Variants in DNAJC16 observed in about 807,000 individuals in gnomAD.
DNAJC16 encodes the protein DnaJ heat shock protein family (Hsp40) member C16, also known as dnaJ homolog subfamily C member 16.
Under a neutral mutation model 92.7 loss-of-function variants are expected in DNAJC16, and 76 were observed. The observed-to-expected ratio is 0.82, with a 90% CI of 0.68 to 0.99. The LOEUF is 0.99. DNAJC16 is among the 50% of genes least tolerant of loss of function. The pLI, the probability that DNAJC16 is intolerant of heterozygous loss-of-function variation, is 0.00. For missense variants in DNAJC16, 869 were observed against 942.4 expected (o/e 0.92, Z 1.02); for synonymous variants, 328 against 358.7 (o/e 0.91, Z 0.97).
Position 15,544,451 on chromosome 1 carries a change from C to T in DNAJC16, c.627C>T (p.His209=). 2 of 1,614,066 alleles carry T rather than the reference C, an allele frequency of 1.2e-6. No individual in the cohort carries two copies. The highest frequency in any genetic ancestry group is 1.7e-6 in the Non-Finnish European group (2 of 1,179,980). The change falls in exon 5 of 15, where the codon CAC becomes CAT. Residue 209 remains histidine (H), a synonymous_variant. Coordinates refer to ENST00000375847, the MANE Select transcript of DNAJC16 (RefSeq NM_015291.4). ...HAGYERRLAH[H]LGAHSTPSIL... ...GGTATGAGAGACGCCTGGCCCATCA[C>T]CTAGGGGCACACAGCACGCCCTCTA...
rs117099609 is a variant in DNAJC16, at chr1:15,544,633, C to T, written c.759+50C>T. The stretch of plus-strand genomic sequence containing the variant: ...GGCTGAGAAGTAGTTTAAGAGGTAC[C>T]TAGGACTGTTAATTGCCCAGAACAT... On this transcript the variant is annotated intron_variant, in intron 5 of 14. Coordinates refer to ENST00000375847, the MANE Select transcript of DNAJC16 (RefSeq NM_015291.4). 6.1e-3 allele frequency: 9,669 copies of T among 1,577,844 alleles called. 308 individuals are homozygous for T. In the East Asian group the frequency reaches 0.09, roughly 15 times the overall value.
At chr1:15,529,037 G>C in intron 1 of DNAJC16, 51 bp from the exon 2 acceptor site, 1 of 1,539,094 alleles carries the variant, frequency 6.5e-7, no homozygotes, top group African/African-American at 1.4e-5. Context: ...TAAAAAGCAA[G>C]ACTGTCCAGG....
intron 1 of DNAJC16, 141 bp downstream of exon 1, chr1:15,527,099 G>A (rs1400601999): frequency 1.3e-5 from 2 of 152,410 alleles, no homozygotes; most frequent in African/African-American, 2.4e-5. Flanking sequence ...CGGGCCCTGG[G>A]CTCTCGGAGG....
At chr1:15,543,222 G>C (rs187477488) in intron 4 of DNAJC16, among the ~76,000 whole-genome samples, 7 of 152,318 alleles carry the variant, frequency 4.6e-5, no homozygotes, top group Non-Finnish European at 1.0e-4. Flanking sequence ...AAACGCTGTG[G>C]AAAAAGTTAA....
intron 2 of DNAJC16, among the ~76,000 whole-genome samples, chr1:15,529,489 A>C (rs2103400119): frequency 6.6e-6 from 1 of 152,332 alleles, no homozygotes; most frequent in South Asian, 2.1e-4. Flanking sequence ...TTTTAGGAAT[A>C]CTTTGGCTTA....
In DNAJC16 at chr1:15,568,356, C is replaced by T; in HGVS notation, c.*179C>T. On this transcript the variant is annotated 3_prime_UTR_variant, in exon 15 of 15. Coordinates refer to ENST00000375847, the MANE Select transcript of DNAJC16 (RefSeq NM_015291.4). The stretch of plus-strand genomic sequence containing the variant: ...TCTAACCTAGGAATGAAAAACACCA[C>T]CAGTTTGAATCGCCTAGATGAAAAT... The T allele has an allele frequency of 5.2e-6, 3 of 577,416 alleles. No individual in the cohort carries two copies. Among genetic ancestry groups the T allele is most frequent in the Non-Finnish European group, 5.9e-6 (2 of 337,354 alleles). 35.8% of individuals were successfully genotyped at this position (577,416 alleles called of 1,614,324 possible).
At chr1:15,556,636 A>C (rs940797939) in intron 7 of DNAJC16, among the ~76,000 whole-genome samples, 5 of 151,726 alleles carry the variant, frequency 3.3e-5, no homozygotes, top group Non-Finnish European at 7.4e-5. Flanking sequence ...TAATCATATC[A>C]TCTGAGATTA....
In DNAJC16 at chr1:15,568,934, C is replaced by G; in HGVS notation, c.*757C>G. On this transcript the variant is annotated 3_prime_UTR_variant, in exon 15 of 15. Transcript: ENST00000375847. ...CTGGTAGCCAGGGGAGGGGTCTGCA[C>G]AGCGAGAAGTACTGTGATGACTTTG... is the stretch of plus-strand genomic sequence containing the variant. The G allele has an allele frequency of 2.6e-6, 1 of 381,988 alleles. No individual in the cohort carries two copies. The highest frequency in any genetic ancestry group is 4.6e-6 in the Non-Finnish European group (1 of 215,456). 23.7% of individuals were successfully genotyped at this position (381,988 alleles called of 1,614,324 possible).
chr1:15,564,775 C>T (rs371923926), intron 11 of DNAJC16, among the ~76,000 whole-genome samples: 6 of 151,552 alleles, frequency 4.0e-5, no homozygotes, highest in Non-Finnish European at 7.4e-5. Context: ...GTGATCCACC[C>T]GCCTCGGCCT....
At chr1:15,541,288 C>T (rs1455935980) in intron 4 of DNAJC16, among the ~76,000 whole-genome samples, 2 of 152,142 alleles carry the variant, frequency 1.3e-5, no homozygotes, top group Admixed American at 6.5e-5. Flanking sequence ...TTCTTCTGCT[C>T]ATATAATTCT....
chr1:15,562,399 T>G, intron 9 of DNAJC16, 74 bp downstream of exon 9: 1 of 1,420,050 alleles, frequency 7.0e-7, no homozygotes, highest in Non-Finnish European at 9.5e-7. Flanking sequence ...CCTTCTTCCT[T>G]GAGAGTGTTG....
rs1557576725 is a variant in DNAJC16, at chr1:15,544,504, C to T, written c.680C>T (p.Ser227Phe). Residue 227 changes from serine to phenylalanine, a missense_variant, in exon 5 of 15, where the codon TCC becomes TTC. Coordinates refer to ENST00000375847, the MANE Select transcript of DNAJC16 (RefSeq NM_015291.4). Reference sequence around the variant, plus strand: ...CTAGGAATCATTAACGGGAAAATCTCCTTCTTCCACAATGCAGTTGTCCGT... The same window carrying T: ...CTAGGAATCATTAACGGGAAAATCTTCTTCTTCCACAATGCAGTTGTCCGT... ...SILGIINGKI[S>F]FFHNAVVREN... The T allele has an allele frequency of 6.2e-7, 1 of 1,614,154 alleles. No individual in the cohort carries two copies. The highest frequency in any genetic ancestry group is 8.5e-7 in the Non-Finnish European group (1 of 1,180,018).
Position 15,544,427 on chromosome 1 carries a change from G to A in DNAJC16, c.603G>A (p.Gly201=), listed in dbSNP as rs752155505. The A allele has an allele frequency of 1.7e-5, 28 of 1,613,788 alleles. No homozygotes were observed. Among genetic ancestry groups the A allele is most frequent in the Non-Finnish European group, 2.2e-5 (26 of 1,179,892 alleles). ...TAGGAATTGGCGTGGTCCATGCTGG[G>A]TATGAGAGACGCCTGGCCCATCACC... is the stretch of plus-strand genomic sequence containing the variant. ...LGVGIGVVHA[G]YERRLAHHLG... The change falls in exon 5 of 15, where the codon GGG becomes GGA. Residue 201 remains glycine (G), a synonymous_variant. Transcript: ENST00000375847.
At chr1:15,550,129 A>C (rs1638412901) in intron 7 of DNAJC16, among the ~76,000 whole-genome samples, 1 of 152,192 alleles carries the variant, frequency 6.6e-6, no homozygotes, top group Admixed American at 6.5e-5. Context: ...ACCGGCACAC[A>C]AGACAAGGGG....
intron 1 of DNAJC16, among the ~76,000 whole-genome samples, chr1:15,527,529 A>G (rs1710546775): frequency 6.6e-6 from 1 of 152,234 alleles, no homozygotes; most frequent in African/African-American, 2.4e-5. Flanking sequence ...GCTGATGCTT[A>G]GTAAGTTTAA....
intron 4 of DNAJC16, among the ~76,000 whole-genome samples, chr1:15,538,043 T>G (rs1570903856): frequency 6.6e-6 from 1 of 152,212 alleles, no homozygotes; most frequent in African/African-American, 2.4e-5. Context: ...GAAACTCAAT[T>G]TGGATGATCA....
intron 7 of DNAJC16, among the ~76,000 whole-genome samples, chr1:15,553,977 G>T (rs1465529975): frequency 6.6e-6 from 1 of 152,110 alleles, no homozygotes; most frequent in African/African-American, 2.4e-5. Flanking sequence ...GTCGAGACGG[G>T]CAGATCCTTT....
In DNAJC16 at chr1:15,559,601, A is replaced by T; in HGVS notation, c.1099A>T (p.Ser367Cys). Residue 367 changes from serine (S) to cysteine (C), a missense_variant, in exon 8 of 15, where the codon AGC becomes TGC. By Grantham distance (112) the Ser-to-Cys change is moderately radical (BLOSUM62 -1). Transcript: ENST00000375847. ...NKYLLAARLT[S>C]QKLFHELCPV... is the part of the protein sequence containing the mutation. Reference sequence around the variant, plus strand: ...ATATCTATTGGCAGCCAGGCTCACCAGCCAGAAGTTGTTCCATGAACTCTG... The same window carrying T: ...ATATCTATTGGCAGCCAGGCTCACCTGCCAGAAGTTGTTCCATGAACTCTG... 6.2e-7 allele frequency: 1 copy of T among 1,614,210 alleles called. No individual in the cohort carries two copies. Among genetic ancestry groups the T allele is most frequent in the Non-Finnish European group, 8.5e-7 (1 of 1,180,034 alleles).
At chr1:15,533,987 T>C (rs1265954435) in intron 2 of DNAJC16, among the ~76,000 whole-genome samples, 1 of 152,222 alleles carries the variant, frequency 6.6e-6, no homozygotes. Context: ...CTCTGTGAAA[T>C]GCTGCAGTAT....
Sources: gnomAD v4.1 joint callset for allele counts (sites outside exome capture counted in the v4.1 genomes callset) on GRCh38, gnomAD v4.1.1 for gene constraint, MANE v1.5 for transcripts, NCBI Gene and HGNC (gene_info 2026-07-23, HGNC 2026-07-21) for gene names.